NWD2: variants seen among roughly 807,000 people sequenced by gnomAD.
NWD2 encodes the protein NACHT and WD repeat domain containing 2, also known as NACHT and WD repeat domain-containing protein 2.
A neutral mutation model predicts 132.7 loss-of-function variants in NWD2; 37 were observed. The ratio of observed to expected loss-of-function variants is 0.28; its 90% confidence interval spans 0.21 to 0.37. The LOEUF (loss-of-function observed/expected upper bound fraction) is 0.37, where lower values mean the gene tolerates loss of function less well. Ranked by LOEUF, NWD2 falls within the 10% of genes least tolerant of loss-of-function variation. The pLI, the probability that NWD2 is intolerant of heterozygous loss-of-function variation, is 1.00. For missense variants in NWD2, 1,592 were observed against 2,122.4 expected (o/e 0.75, Z 4.91); for synonymous variants, 705 against 803.0 (o/e 0.88, Z 2.06).
chr4:37,423,535 TC>T (rs1247641345), intron 3 of NWD2, among the ~76,000 whole-genome samples: 1 of 152,106 alleles, frequency 6.6e-6, no homozygotes, highest in Non-Finnish European at 1.5e-5. Context: ...ATGGAATAAG[TC>T]CCGGTCCAAG....
chr4:37,323,065 T>C (rs1719100725), intron 1 of NWD2, among the ~76,000 whole-genome samples: 1 of 152,180 alleles, frequency 6.6e-6, no homozygotes, highest in Non-Finnish European at 1.5e-5. Context: ...TGAGCGAGTT[T>C]TCTAACCCCT....
chr4:37,441,886 G>T (rs554855045), intron 6 of NWD2, among the ~76,000 whole-genome samples: 2 of 152,122 alleles, frequency 1.3e-5, no homozygotes, highest in African/African-American at 4.8e-5. Flanking sequence ...CCATGAGCTC[G>T]TGATGGTAGG....
At chr4:37,403,611 T>C (rs755207103) in intron 3 of NWD2, among the ~76,000 whole-genome samples, 1 of 152,154 alleles carries the variant, frequency 6.6e-6, no homozygotes, top group Non-Finnish European at 1.5e-5. Flanking sequence ...GAAGCATCAT[T>C]AGACCTGATT....
At chr4:37,429,629 T>C (rs1057164912) in intron 3 of NWD2, among the ~76,000 whole-genome samples, 3 of 152,248 alleles carry the variant, frequency 2.0e-5, no homozygotes, top group East Asian at 1.9e-4. Context: ...AATCATCTTA[T>C]GTATACCATT....
chr4:37,282,738 A>G (rs983743696), intron 1 of NWD2, among the ~76,000 whole-genome samples: 1 of 152,198 alleles, frequency 6.6e-6, no homozygotes, highest in African/African-American at 2.4e-5. Flanking sequence ...GATAGTGAGT[A>G]AAGCTACACC....
intron 1 of NWD2, among the ~76,000 whole-genome samples, chr4:37,319,683 C>A (rs1245172243): frequency 1.3e-5 from 2 of 152,162 alleles, no homozygotes; most frequent in Non-Finnish European, 2.9e-5. Flanking sequence ...TTTCATTCTT[C>A]TGCATATGGC....
At chr4:37,257,986 A>C (rs543375113) in intron 1 of NWD2, among the ~76,000 whole-genome samples, 2 of 152,236 alleles carry the variant, frequency 1.3e-5, no homozygotes, top group South Asian at 4.1e-4. Flanking sequence ...TATAGTAAAA[A>C]ATTATTTCTT....
chr4:37,354,170 G>C (rs1719825325), intron 2 of NWD2, among the ~76,000 whole-genome samples: 1 of 152,170 alleles, frequency 6.6e-6, no homozygotes, highest in African/African-American at 2.4e-5. Context: ...GTCACCAGCG[G>C]AGGCTGCAGA....
intron 6 of NWD2, among the ~76,000 whole-genome samples, chr4:37,441,519 A>G (rs1238032913): frequency 1.3e-5 from 2 of 152,210 alleles, no homozygotes; most frequent in African/African-American, 2.4e-5. Context: ...GCTCTAGCAC[A>G]AGAGGTCAAG....
chr4:37,443,219 G>A lies in NWD2; in HGVS notation c.1297-66G>A, dbSNP rs916045721. ...CCAGAAATCTGAGCTCTGGAGAGAGGCAATGTTATCACATATGACCATGTG... is the reference window on the plus strand; with the variant it reads ...CCAGAAATCTGAGCTCTGGAGAGAGACAATGTTATCACATATGACCATGTG... On this transcript the variant is annotated intron_variant, in intron 6 of 6. Coordinates refer to ENST00000309447, the MANE Select transcript of NWD2 (RefSeq NM_001144990.2). The surrounding 1 kb of genome is among the most constrained non-coding windows in gnomAD (Gnocchi z 4.1). 3.0e-5 allele frequency: 40 copies of A among 1,328,268 alleles called. No homozygotes were observed. The highest frequency in any genetic ancestry group is 1.8e-4 in the Middle Eastern group (1 of 5,406). 82.3% of individuals were successfully genotyped at this position (1,328,268 alleles called of 1,614,324 possible). A position where few individuals can be genotyped will look rare whatever the true frequency, so the allele number is the denominator to read the frequency against.
intron 3 of NWD2, among the ~76,000 whole-genome samples, chr4:37,417,441 A>G (rs1711654214): frequency 1.3e-5 from 2 of 152,200 alleles, no homozygotes; most frequent in African/African-American, 4.8e-5. Context: ...ATTTATATAT[A>G]TGGAATTTGC....
At chr4:37,288,759 A>G (rs924610078) in intron 1 of NWD2, among the ~76,000 whole-genome samples, 5 of 152,344 alleles carry the variant, frequency 3.3e-5, no homozygotes, top group African/African-American at 1.2e-4. Flanking sequence ...ATTTGCATAT[A>G]TTAAACAATG....
In NWD2 at chr4:37,440,681, G is replaced by T. The variant is rs563330082; in HGVS notation, c.1296+1291G>T. ...CAGTCTTCTTTTTCAGACTAGCAGC[G>T]GGTAATCTGTTAACAGTAGCAAAAC... is the stretch of plus-strand genomic sequence containing the variant. On this transcript the variant is annotated intron_variant, in intron 6 of 6. Transcript: ENST00000309447. Among the ~76,000 whole-genome samples, 5 of 152,198 alleles carry T rather than the reference G, an allele frequency of 3.3e-5. No homozygotes were observed. The South Asian group carries it at 6.2e-4, about 19-fold the overall frequency.
intron 1 of NWD2, among the ~76,000 whole-genome samples, chr4:37,245,640 G>A (rs1717224775): frequency 6.6e-6 from 1 of 151,920 alleles, no homozygotes; most frequent in Admixed American, 6.6e-5. Flanking sequence ...TGAGTGCGGG[G>A]CTACCTCCTT....
intron 2 of NWD2, among the ~76,000 whole-genome samples, chr4:37,342,644 T>G (rs1181456423): frequency 6.6e-6 from 1 of 152,182 alleles, no homozygotes; most frequent in Admixed American, 6.5e-5. Context: ...TCCTGGTCCC[T>G]TCTCTCTTTC....
chr4:37,263,543 G>A (rs1717691642), intron 1 of NWD2, among the ~76,000 whole-genome samples: 2 of 152,122 alleles, frequency 1.3e-5, no homozygotes, highest in Admixed American at 1.3e-4. Context: ...TTGAAATGGG[G>A]CTTATAATAG....
At chr4:37,249,740 T>A (rs570455388) in intron 1 of NWD2, among the ~76,000 whole-genome samples, 67 of 152,348 alleles carry the variant, frequency 4.4e-4, no homozygotes, top group African/African-American at 1.6e-3. Flanking sequence ...CAGATTTCTG[T>A]GCTGGTCATT....
chr4:37,438,386 G>A (rs900801273), intron 5 of NWD2, among the ~76,000 whole-genome samples: 3 of 152,066 alleles, frequency 2.0e-5, no homozygotes, highest in Admixed American at 6.6e-5. Flanking sequence ...GACAAGAAAC[G>A]GTTAACTAGT....
intron 3 of NWD2, among the ~76,000 whole-genome samples, chr4:37,428,245 C>G (rs541633297): frequency 6.6e-6 from 1 of 152,232 alleles, no homozygotes; most frequent in South Asian, 2.1e-4. Context: ...GAAATGCCCC[C>G]TAGGGAAACC....
Sources: gnomAD v4.1 joint callset for allele counts (sites outside exome capture counted in the v4.1 genomes callset) on GRCh38, gnomAD v4.1.1 for gene constraint, Gnocchi (gnomAD v3.1) non-coding constraint, MANE v1.5 for transcripts, NCBI Gene and HGNC (gene_info 2026-07-23, HGNC 2026-07-21) for gene names.